Variants in ESCO1 observed in about 807,000 individuals in gnomAD.
ESCO1 encodes the protein establishment of sister chromatid cohesion N-acetyltransferase 1, also known as N-acetyltransferase ESCO1.
ESCO1 carries 33 observed loss-of-function variants against 83.5 expected under a neutral mutation model. That is an observed-to-expected ratio of 0.40 (90% CI 0.30 to 0.53). ESCO1 has a LOEUF of 0.53. ESCO1 is among the 20% of genes least tolerant of loss of function. The pLI, the probability that ESCO1 is intolerant of heterozygous loss-of-function variation, is 0.63. For missense variants in ESCO1, 855 were observed against 968.0 expected (o/e 0.88, Z 1.55); for synonymous variants, 332 against 324.3 (o/e 1.02, Z -0.25).
intron 10 of ESCO1, among the ~76,000 whole-genome samples, chr18:21,534,776 C>T (rs2037812199): frequency 1.3e-5 from 2 of 151,950 alleles, no homozygotes; most frequent in African/African-American, 4.8e-5. Flanking sequence ...TACAGGCACA[C>T]ACCACATCTG....
At chr18:21,571,619 A>ATACT in intron 4 of ESCO1, among the ~76,000 whole-genome samples, 1 of 152,260 alleles carries the variant, frequency 6.6e-6, no homozygotes, top group South Asian at 2.1e-4. Context: ...AGTACAGTTT[A>ATACT]GTACAAAGGA....
chr18:21,573,809 A>G lies in ESCO1; in HGVS notation c.1035T>C (p.Ser345=), dbSNP rs780564494. 6.2e-7 allele frequency: 1 copy of G among 1,614,084 alleles called. No individual in the cohort carries two copies. The highest frequency in any genetic ancestry group is 8.5e-7 in the Non-Finnish European group (1 of 1,180,004). ...KPTEIKLEET[S]VERQILHQKE... ...TCTGATGAAGTATTTGTCTTTCAAC[A>G]CTGGTCTCTTCCAATTTTATTTCTG... The change falls in exon 4 of 12, where the codon AGT becomes AGC. Residue 345 remains serine (S), a synonymous_variant. Transcript: ENST00000269214.
intron 4 of ESCO1, 117 bp from the exon 5 acceptor site, chr18:21,568,211 A>T: frequency 1.4e-6 from 1 of 704,042 alleles, no homozygotes; most frequent in South Asian, 1.8e-5. Flanking sequence ...AGCAATTAAT[A>T]CAGACATGAA....
intron 4 of ESCO1, among the ~76,000 whole-genome samples, chr18:21,569,051 CT>C (rs1218616651): frequency 6.6e-6 from 1 of 152,098 alleles, no homozygotes; most frequent in African/African-American, 2.4e-5. Context: ...TCCAGAATAC[CT>C]TTCCCCCTAT....
intron 2 of ESCO1, 61 bp from the exon 3 acceptor site, chr18:21,575,838 T>C (rs2038412313): frequency 2.5e-6 from 1 of 396,202 alleles, no homozygotes; most frequent in Non-Finnish European, 4.4e-6. Flanking sequence ...TAATCATCCA[T>C]TCGGCTCTCA....
intron 8 of ESCO1, among the ~76,000 whole-genome samples, chr18:21,545,828 G>C (rs1449987609): frequency 6.6e-6 from 1 of 152,110 alleles, no homozygotes; most frequent in South Asian, 2.1e-4. Flanking sequence ...ACTCGGGGGG[G>C]CTGAGGCAGG....
intron 1 of ESCO1, among the ~76,000 whole-genome samples, chr18:21,585,604 G>A (rs946475744): frequency 1.3e-5 from 2 of 152,006 alleles, no homozygotes; most frequent in Non-Finnish European, 2.9e-5. Context: ...AAGATGAAGT[G>A]TGAGCCCAAA....
At chr18:21,594,360 T>G (rs761441521) in intron 1 of ESCO1, among the ~76,000 whole-genome samples, 3 of 152,226 alleles carry the variant, frequency 2.0e-5, no homozygotes, top group Non-Finnish European at 2.9e-5. Context: ...TGGTGATTCC[T>G]GTTTTCTTCT....
At chr18:21,587,333 G>C (rs898948596) in intron 1 of ESCO1, among the ~76,000 whole-genome samples, 1 of 152,172 alleles carries the variant, frequency 6.6e-6, no homozygotes, top group Admixed American at 6.5e-5. Flanking sequence ...TGAAGGATTG[G>C]TGTTAATTCT....
chr18:21,598,307 G>A (rs532393260), intron 1 of ESCO1, among the ~76,000 whole-genome samples: 55 of 152,334 alleles, frequency 3.6e-4, no homozygotes, highest in African/African-American at 1.3e-3. Context: ...TCTGGCAAAA[G>A]AAGTTAATGG....
chr18:21,572,926 T>C (rs1278730024), intron 4 of ESCO1, among the ~76,000 whole-genome samples: 1 of 151,032 alleles, frequency 6.6e-6, no homozygotes, highest in Non-Finnish European at 1.5e-5. Flanking sequence ...ATTGTGCCAT[T>C]GCATGCCAGC....
In ESCO1 at chr18:21,560,928, A is replaced by G; in HGVS notation, c.1884T>C (p.Ala628=). ...SCNVCGMLYT[A]SNPEDETQHL... ...GCTGTGTTTCATCTTCTGGATTTGA[A>G]GCTGTATACAGCATTCCACAAACAT... The change falls in exon 8 of 12, where the codon GCT becomes GCC. Residue 628 remains alanine (A), a synonymous_variant. Transcript: ENST00000269214. 6.2e-7 allele frequency: 1 copy of G among 1,609,160 alleles called. No individual in the cohort carries two copies. The highest frequency in any genetic ancestry group is 8.5e-7 in the Non-Finnish European group (1 of 1,178,364).
At chr18:21,582,577 C>A (rs1334667698) in intron 2 of ESCO1, among the ~76,000 whole-genome samples, 1 of 152,066 alleles carries the variant, frequency 6.6e-6, no homozygotes, top group Non-Finnish European at 1.5e-5. Flanking sequence ...AACTTTTAAG[C>A]CTTGTCACAA....
intron 2 of ESCO1, among the ~76,000 whole-genome samples, chr18:21,580,853 G>A (rs903990521): frequency 9.2e-5 from 14 of 152,124 alleles, no homozygotes; most frequent in African/African-American, 3.4e-4. Context: ...AGCCAGGCAT[G>A]GTGGTGCATG....
At position 21,532,593 on chromosome 18, in the gene ESCO1, C is replaced by A. The variant is rs78344029; in HGVS notation, c.2255G>T (p.Arg752Met). 6.2e-7 allele frequency: 1 copy of A among 1,614,160 alleles called. No individual in the cohort carries two copies. Among genetic ancestry groups the A allele is most frequent in the Admixed American group, 1.7e-5 (1 of 60,022 alleles). Residue 752 changes from arginine (R) to methionine (M), a missense_variant, in exon 11 of 12, where the codon AGG becomes ATG. Coordinates refer to ENST00000269214, the MANE Select transcript of ESCO1 (RefSeq NM_052911.3). ...RSEEEKVRFE[R>M]QKAWCCSTLP... ...TGTTGAGCAGCACCAGGCTTTTTGC[C>A]TTTCAAATCTGACTTTTTCTTCTTC...
At position 21,599,474 on chromosome 18, in the gene ESCO1, T is replaced by G. The variant is rs145981742; in HGVS notation, c.-825+1149A>C. On this transcript the variant is annotated intron_variant, in intron 1 of 11. Transcript: ENST00000269214. ...CCTGGATGTTTTCAACTGAAATCTATGTTTTATCCACTTTTTTAAAAAAGC... is the reference window on the plus strand; with the variant it reads ...CCTGGATGTTTTCAACTGAAATCTAGGTTTTATCCACTTTTTTAAAAAAGC... 3.1e-4 allele frequency among the ~76,000 whole-genome samples: 47 copies of G among 152,334 alleles called. No homozygotes were observed. In the East Asian group the frequency reaches 7.3e-3, roughly 24 times the overall value.
In ESCO1 at chr18:21,530,346, C is replaced by T. The variant is rs576285603; in HGVS notation, c.2520G>A (p.Thr840=). 26 of 1,577,814 alleles carry T rather than the reference C, an allele frequency of 1.6e-5. No individual in the cohort carries two copies. In the Admixed American group the frequency reaches 2.0e-4, roughly 12 times the overall value. ...GTGGTGTAGGCAAGAATTTGTTTTA[C>T]GTGCTATTCTGTCCATTAATAAAAT... ...VYNFINGQNS[T] is the part of the protein sequence containing the mutation. The change falls in exon 12 of 12, where the codon ACG becomes ACA. Residue 840 remains threonine (T), a synonymous_variant. Transcript: ENST00000269214.
rs78344029 is a variant in ESCO1, at chr18:21,532,593, C to T, written c.2255G>A (p.Arg752Lys). 2 of 1,614,160 alleles carry T rather than the reference C, an allele frequency of 1.2e-6. No individual in the cohort carries two copies. Among genetic ancestry groups the T allele is most frequent in the East Asian group, 2.2e-5 (1 of 44,878 alleles). The part of the protein sequence containing the change: ...RSEEEKVRFE[R>K]QKAWCCSTLP... ...TGTTGAGCAGCACCAGGCTTTTTGCCTTTCAAATCTGACTTTTTCTTCTTC... is the reference window on the plus strand; with the variant it reads ...TGTTGAGCAGCACCAGGCTTTTTGCTTTTCAAATCTGACTTTTTCTTCTTC... The change falls in exon 11 of 12, where the codon AGG (arginine) becomes AAG (lysine). Residue 752 changes from arginine (R) to lysine (K), a missense_variant. Physicochemically the swap from Arg to Lys is conservative, Grantham distance 26 (BLOSUM62 2). This residue lies in a region of ESCO1 where 129 missense variants were observed against 268.5 expected (regional missense o/e 0.48). Transcript: ENST00000269214.
intron 5 of ESCO1, among the ~76,000 whole-genome samples, chr18:21,567,339 T>C (rs1279266037): frequency 1.3e-5 from 2 of 152,064 alleles, no homozygotes; most frequent in Non-Finnish European, 2.9e-5. Context: ...TTAGTATTTT[T>C]AGTAAATAGA....
Sources: allele counts gnomAD v4.1 joint callset (sites outside exome capture counted in the v4.1 genomes callset), GRCh38; gene constraint gnomAD v4.1.1; regional missense constraint gnomAD v4.1.1; transcripts MANE v1.5; gene names NCBI Gene and HGNC (gene_info 2026-07-23, HGNC 2026-07-21).